TMPRSS9: variants seen among roughly 807,000 people sequenced by gnomAD.
The protein encoded by TMPRSS9 is transmembrane protease serine 9.
A neutral mutation model predicts 111.4 loss-of-function variants in TMPRSS9; 113 were observed. That is an observed-to-expected ratio of 1.01 (90% CI 0.87 to 1.19). The LOEUF (loss-of-function observed/expected upper bound fraction) is 1.19, where lower values mean the gene tolerates loss of function less well. TMPRSS9 is among the 50% of genes most tolerant of loss of function. The probability of loss-of-function intolerance (pLI) is 0.00; values close to 1 mark genes in which losing one functional copy is unlikely to be tolerated. For synonymous variants in TMPRSS9, 805 were observed against 659.1 expected (o/e 1.22, Z -3.39); for missense variants, 1,803 against 1,513.1 (o/e 1.19, Z -3.18).
intron 1 of TMPRSS9, among the ~76,000 whole-genome samples, chr19:2,363,531 G>C (rs1970220508): frequency 6.6e-6 from 1 of 151,858 alleles, no homozygotes; most frequent in Admixed American, 6.6e-5. Context: ...GGACAGGCGA[G>C]AGTGTGGGAG....
intron 5 of TMPRSS9, 62 bp downstream of exon 6, chr19:2,402,078 C>G: frequency 6.5e-7 from 1 of 1,529,538 alleles, no homozygotes; most frequent in South Asian, 1.1e-5. Flanking sequence ...TCCTAAGACT[C>G]ATTTCAAGGA....
At chr19:2,389,648 G>T (rs970000816), upstream of TMPRSS9, 52 of 1,049,710 alleles carry the variant, frequency 5.0e-5, no homozygotes, top group Non-Finnish European at 5.1e-5. Flanking sequence ...GATGACAGGC[G>T]TGAGCCACCG....
chr19:2,374,458 C>A (rs1370393198), intron 1 of TMPRSS9, among the ~76,000 whole-genome samples: 1 of 151,362 alleles, frequency 6.6e-6, no homozygotes, highest in Non-Finnish European at 1.5e-5. Context: ...CCTGTAGTCC[C>A]AGCTACTTGG....
chr19:2,407,870 C>T (rs1312685058), intron 7 of TMPRSS9, among the ~76,000 whole-genome samples: 1 of 151,926 alleles, frequency 6.6e-6, no homozygotes, highest in Non-Finnish European at 1.5e-5. Context: ...CTGCAACCTC[C>T]ACCTCCCGGG....
chr19:2,366,083 A>G (rs1361832070), intron 1 of TMPRSS9, among the ~76,000 whole-genome samples: 1 of 152,228 alleles, frequency 6.6e-6, no homozygotes, highest in African/African-American at 2.4e-5. Flanking sequence ...TTGGAAAAAA[A>G]GGGAACCCCC....
In TMPRSS9 at chr19:2,411,342, CAG is replaced by C. The variant is rs201281025; in HGVS notation, c.1254+949_1254+950del. ...AAAAAAAAAAAAAAAAAGAGAAAAT[CAG>C]GGGTCATCCAAAGCTGCTTCTGCTG... On this transcript the variant is annotated intron_variant, in intron 9 of 17. Transcript: ENST00000648592. Among the ~76,000 whole-genome samples, 1,183 of 126,562 alleles carry C rather than the reference CAG, an allele frequency of 9.3e-3. 28 individuals are homozygous for C. Among genetic ancestry groups the C allele is most frequent in the East Asian group, 0.049 (182 of 3,752 alleles). The allele number at this position is 126,562 out of a possible 152,430, so 83.0% of individuals were successfully genotyped here.
Position 2,396,595 on chromosome 19 carries a change from C to T in TMPRSS9, c.199C>T (p.Arg67Trp), listed in dbSNP as rs202221607. 88 of 1,611,624 alleles carry T rather than the reference C, an allele frequency of 5.5e-5. No homozygotes were observed. The highest frequency in any genetic ancestry group is 1.5e-4 in the Admixed American group (9 of 59,566). Residue 67 changes from arginine to tryptophan, a missense_variant, in exon 2 of 18, where the codon CGG becomes TGG. Physicochemically the swap from Arg to Trp is moderately radical, Grantham distance 101. Coordinates refer to ENST00000648592, the Ensembl canonical transcript of TMPRSS9. ...CCACACGGCCGAGCTGCGGGGAATC[C>T]GGTGGACCAGCAGTTTGCGGCGGGA...
chr19:2,365,152 G>A (rs1247327920), intron 1 of TMPRSS9, among the ~76,000 whole-genome samples: 5 of 152,098 alleles, frequency 3.3e-5, no homozygotes, highest in East Asian at 3.9e-4. Context: ...TAATCTCTGC[G>A]TTTTCCTCTG....
intron 1 of TMPRSS9, among the ~76,000 whole-genome samples, chr19:2,363,672 C>T (rs1488584826): frequency 1.3e-5 from 2 of 151,426 alleles, no homozygotes; most frequent in Non-Finnish European, 2.9e-5. Context: ...GGCCCTGCGC[C>T]CCTCGGTCCC....
exon 8 of TMPRSS9, chr19:2,408,384 T>C (rs767926487): frequency 6.2e-7 from 1 of 1,613,802 alleles, no homozygotes; most frequent in South Asian, 1.1e-5. Context: ...GTGGGTGGCC[T>C]ACGTGGGTGC....
chr19:2,382,165 C>T (rs1484022039), intron 1 of TMPRSS9, among the ~76,000 whole-genome samples: 2 of 152,084 alleles, frequency 1.3e-5, no homozygotes, highest in African/African-American at 2.4e-5. Flanking sequence ...ACAACCAAAA[C>T]GTTTCTTTTT....
chr19:2,413,859 G>A (rs1462018697), exon 10 of TMPRSS9: 2 of 1,613,722 alleles, frequency 1.2e-6, no homozygotes, highest in Non-Finnish European at 1.7e-6. Context: ...CACCACCAAA[G>A]CCAGCATGCC....
chr19:2,407,076 A>G (rs1417680107), intron 7 of TMPRSS9, among the ~76,000 whole-genome samples: 2 of 151,824 alleles, frequency 1.3e-5, no homozygotes, highest in African/African-American at 4.8e-5. Flanking sequence ...CTGGGATTAC[A>G]TGTGTGAGCC....
intron 1 of TMPRSS9, among the ~76,000 whole-genome samples, chr19:2,367,439 G>A (rs1970256300): frequency 1.3e-5 from 2 of 151,984 alleles, no homozygotes; most frequent in Non-Finnish European, 1.5e-5. Flanking sequence ...CCATTGCCCA[G>A]GCTGGAGTGC....
At chr19:2,424,936 C>A in intron 15 of TMPRSS9, 66 bp from the exon 17 acceptor site, 1 of 1,367,246 alleles carries the variant, frequency 7.3e-7, no homozygotes, top group East Asian at 3.1e-5. Flanking sequence ...CGCTGGGGGA[C>A]ACCACAGGGG....
In TMPRSS9 at chr19:2,363,634, C is replaced by T. The variant is rs570170496; in HGVS notation, c.-26+3274C>T. Among the ~76,000 whole-genome samples, 12 of 151,354 alleles carry T rather than the reference C, an allele frequency of 7.9e-5. No homozygotes were observed. The South Asian group carries it at 1.9e-3, about 24-fold the overall frequency. On this transcript the variant is annotated intron_variant, in intron 1 of 17. Transcript: ENST00000649857. ...GGAGGCAGGACTGGACCCTGGGTGC[C>T]GACACTGGGGCAGGGTTTAGAGCTC...
At chr19:2,388,603 G>A (rs562710953), upstream of TMPRSS9, among the ~76,000 whole-genome samples, 54 of 152,276 alleles carry the variant, frequency 3.5e-4, no homozygotes, top group African/African-American at 1.3e-3. Context: ...TCAGAACTGT[G>A]AGATAATCAA....
intron 2 of TMPRSS9, among the ~76,000 whole-genome samples, chr19:2,397,602 CATCAGCA>C (rs1275517940): frequency 6.6e-6 from 1 of 152,114 alleles, no homozygotes; most frequent in Non-Finnish European, 1.5e-5. Flanking sequence ...CGTGTGACCA[CATCAGCA>C]ATCACGTATT....
At chr19:2,379,172 C>T (rs1970360782) in intron 1 of TMPRSS9, among the ~76,000 whole-genome samples, 1 of 141,058 alleles carries the variant, frequency 7.1e-6, no homozygotes, top group South Asian at 2.2e-4. Context: ...AAAGCCTGAG[C>T]TTCTTTCTCT....
Sources: gnomAD v4.1 joint callset for allele counts (sites outside exome capture counted in the v4.1 genomes callset) on GRCh38, gnomAD v4.1.1 for gene constraint, MANE v1.5 for transcripts, NCBI Gene and HGNC (gene_info 2026-07-23, HGNC 2026-07-21) for gene names.